ZDHHC11: variants seen among roughly 807,000 people sequenced by gnomAD.
ZDHHC11 encodes the protein zDHHC palmitoyltransferase 11.
In ZDHHC11, 44 loss-of-function variants were observed where a neutral mutation model predicts 51.3. The ratio of observed to expected loss-of-function variants is 0.86; its 90% confidence interval spans 0.67 to 1.10. ZDHHC11 has a LOEUF of 1.10. Among genes scored for constraint, ZDHHC11 ranks in the 50% least tolerant of loss-of-function variants. The pLI, the probability that ZDHHC11 is intolerant of heterozygous loss-of-function variation, is 0.00. For synonymous variants in ZDHHC11, 163 were observed against 222.0 expected (o/e 0.73, Z 2.36); for missense variants, 400 against 537.7 (o/e 0.74, Z 2.53).
rs1486867380 is a variant in ZDHHC11, at chr5:819,743, G to C, written c.1059-131C>G. ...CATGTGTCTCAGAAACTGGAGACCA[G>C]CAGCTCCCGGGAGGTTGTGTGAGTG... On this transcript the variant is annotated intron_variant, in intron 9 of 12. Coordinates refer to ENST00000283441, the MANE Select transcript of ZDHHC11 (RefSeq NM_024786.3). The C allele has an allele frequency of 4.4e-6, 4 of 905,162 alleles. No homozygotes were observed. The East Asian group carries it at 1.0e-4, about 23-fold the overall frequency. The allele number at this position is 905,162 out of a possible 1,614,324, so 56.1% of individuals were successfully genotyped here. A position where few individuals can be genotyped will look rare whatever the true frequency, so the allele number is the denominator to read the frequency against.
At chr5:806,159 C>T (rs866434153) in intron 11 of ZDHHC11, among the ~76,000 whole-genome samples, 19 of 151,000 alleles carry the variant, frequency 1.3e-4, no homozygotes, top group Non-Finnish European at 1.2e-4. Flanking sequence ...ACTTATTAAG[C>T]TATGGGAAGT....
In ZDHHC11 at chr5:830,016, C is replaced by A. The variant is rs1276407678; in HGVS notation, c.935+3757G>T. 4.0e-5 allele frequency among the ~76,000 whole-genome samples: 6 copies of A among 149,104 alleles called. No homozygotes were observed. In the East Asian group the frequency reaches 1.2e-3, roughly 29 times the overall value. On this transcript the variant is annotated intron_variant, in intron 7 of 12. Transcript: ENST00000283441. Reference sequence around the variant, plus strand: ...GGTAATAAAAGCCCTCTATGACAAACCCACAGCCAACATTATACTGAATGG... The same window carrying A: ...GGTAATAAAAGCCCTCTATGACAAAACCACAGCCAACATTATACTGAATGG...
chr5:844,517 AGGAGCACGC>A (rs1262710451), intron 3 of ZDHHC11, among the ~76,000 whole-genome samples: 138 of 152,348 alleles, frequency 9.1e-4, no homozygotes, highest in Admixed American at 9.0e-3. Flanking sequence ...CTACCAGCCA[AGGAGCACGC>A]GGGCTCGGTC....
chr5:849,430 C>A (rs1746802807), intron 1 of ZDHHC11, among the ~76,000 whole-genome samples: 1 of 152,102 alleles, frequency 6.6e-6, no homozygotes, highest in Non-Finnish European at 1.5e-5. Context: ...TCTTTCATAC[C>A]AGAGACCCCT....
At chr5:805,706 T>C (rs1306752208) in intron 11 of ZDHHC11, among the ~76,000 whole-genome samples, 2 of 151,264 alleles carry the variant, frequency 1.3e-5, no homozygotes, top group Admixed American at 6.6e-5. Context: ...TTTATATATA[T>C]ATACATAGAT....
intron 8 of ZDHHC11, chr5:823,313 G>C (rs1741805805): frequency 6.6e-6 from 1 of 150,762 alleles, no homozygotes; most frequent in Non-Finnish European, 1.5e-5. Context: ...AGCTGTGTGT[G>C]TGTGTTTGGC....
intron 1 of ZDHHC11, 105 bp from the exon 2 acceptor site, chr5:848,765 G>C (rs551334712): frequency 6.7e-7 from 1 of 1,496,092 alleles, no homozygotes; most frequent in East Asian, 2.4e-5. Context: ...GGTCAGCCCT[G>C]CTCACCCAGC....
At chr5:811,407 T>C (rs1418872980) in intron 11 of ZDHHC11, among the ~76,000 whole-genome samples, 2 of 142,036 alleles carry the variant, frequency 1.4e-5, no homozygotes, top group African/African-American at 5.6e-5. Flanking sequence ...TCTTAAGCAA[T>C]TCTCAGATTT....
At chr5:849,831 TCC>T (rs1746866227) in intron 1 of ZDHHC11, 1 of 155,014 alleles carries the variant, frequency 6.5e-6, no homozygotes, top group Non-Finnish European at 1.4e-5. Flanking sequence ...ACACAGACTC[TCC>T]ATGGCAACCA....
chr5:841,629 G>GC (rs2150401481), intron 4 of ZDHHC11: 1 of 992,792 alleles, frequency 1.0e-6, no homozygotes, highest in Admixed American at 6.1e-5. Flanking sequence ...CCCTGGACCC[G>GC]CTGCACCCTA....
At chr5:797,033 C>CA (rs1737683114) in intron 12 of ZDHHC11, among the ~76,000 whole-genome samples, 1 of 151,352 alleles carries the variant, frequency 6.6e-6, no homozygotes, top group African/African-American at 2.4e-5. Flanking sequence ...CAGTGAACCC[C>CA]CGTCTCTACT....
intron 11 of ZDHHC11, among the ~76,000 whole-genome samples, chr5:808,890 G>A (rs1739681379): frequency 6.8e-6 from 1 of 147,852 alleles, no homozygotes; most frequent in East Asian, 2.0e-4. Flanking sequence ...AGTAGAGACA[G>A]GGTTTCACCG....
chr5:835,595 A>G (rs937068749), intron 6 of ZDHHC11, among the ~76,000 whole-genome samples: 1 of 152,050 alleles, frequency 6.6e-6, no homozygotes, highest in Admixed American at 6.5e-5. Context: ...TTGAATTTGC[A>G]TATACATTTT....
At chr5:797,139 G>A (rs369529754) in intron 12 of ZDHHC11, among the ~76,000 whole-genome samples, 9 of 151,202 alleles carry the variant, frequency 6.0e-5, no homozygotes, top group Non-Finnish European at 1.2e-4. Flanking sequence ...CCCGGGAGGC[G>A]GAGTTTGCAG....
intron 1 of ZDHHC11, among the ~76,000 whole-genome samples, chr5:856,557 C>T (rs539981093): frequency 2.6e-3 from 362 of 140,392 alleles, no homozygotes; most frequent in Non-Finnish European, 4.2e-3. Context: ...TCCATGCACA[C>T]CACACATGCA....
At position 796,153 on chromosome 5, in the gene ZDHHC11, C is replaced by T. The variant is rs1470983472; in HGVS notation, c.*435G>A. On this transcript the variant is annotated 3_prime_UTR_variant, in exon 13 of 13. Transcript: ENST00000283441. ...TGCTCCCATTTCCCAGTACTGTGCT[C>T]CCATTTCCTAGTACTGTGCTCCCAT... is the stretch of plus-strand genomic sequence containing the variant. 1 of 156,888 alleles carries T rather than the reference C, an allele frequency of 6.4e-6. No individual in the cohort carries two copies. The highest frequency in any genetic ancestry group is 1.4e-5 in the Non-Finnish European group (1 of 69,474). 9.7% of individuals were successfully genotyped at this position (156,888 alleles called of 1,614,324 possible).
intron 7 of ZDHHC11, among the ~76,000 whole-genome samples, chr5:827,908 C>T (rs1406971164): frequency 6.6e-6 from 1 of 151,004 alleles, no homozygotes; most frequent in Non-Finnish European, 1.5e-5. Flanking sequence ...GTTTGTGTCC[C>T]TGGGTACTTG....
At chr5:833,265 A>G (rs1289734980) in intron 7 of ZDHHC11, among the ~76,000 whole-genome samples, 1 of 152,222 alleles carries the variant, frequency 6.6e-6, no homozygotes. Context: ...ACCGCACTGC[A>G]CAGCACTAGC....
chr5:816,232 G>A (rs1300679019), intron 10 of ZDHHC11: 7 of 231,994 alleles, frequency 3.0e-5, no homozygotes, highest in Middle Eastern at 1.5e-3. Flanking sequence ...AATGCTTAAA[G>A]TCACATTTAT....
Sources: gnomAD v4.1 joint callset for allele counts (sites outside exome capture counted in the v4.1 genomes callset) on GRCh38, gnomAD v4.1.1 for gene constraint, MANE v1.5 for transcripts, NCBI Gene and HGNC (gene_info 2026-07-23, HGNC 2026-07-21) for gene names.